Variants in PTPRG observed in about 807,000 individuals in gnomAD.
PTPRG encodes receptor-type tyrosine-protein phosphatase gamma.
PTPRG carries 102 observed loss-of-function variants against 165.3 expected under a neutral mutation model. The ratio of observed to expected loss-of-function variants is 0.62; its 90% CI spans 0.53 to 0.73. The LOEUF (loss-of-function observed/expected upper bound fraction) is 0.73, where lower values mean the gene tolerates loss of function less well. Among genes scored for constraint, PTPRG ranks in the 30% least tolerant of loss-of-function variants. PTPRG has a pLI of 0.00. For synonymous variants in PTPRG, 675 were observed against 669.5 expected, an observed-to-expected ratio of 1.01 and a Z score of -0.13; for missense variants, 1,866 against 1,861.4, an observed-to-expected ratio of 1.00 and a Z score of -0.05.
intron 1 of PTPRG, among the ~76,000 whole-genome samples, chr3:61,708,844 C>G (rs1329179201): frequency 1.3e-5 from 2 of 152,152 alleles, no homozygotes; most frequent in Non-Finnish European, 2.9e-5. Flanking sequence ...ATTTTGGAAA[C>G]TTATATTTCA....
chr3:62,198,274 T>C (rs920329934), intron 10 of PTPRG, among the ~76,000 whole-genome samples: 2 of 152,130 alleles, frequency 1.3e-5, no homozygotes, highest in African/African-American at 2.4e-5. Context: ...GCAGTAGGGG[T>C]TATTTTACAA....
At chr3:62,058,601 T>G (rs1200788195) in intron 4 of PTPRG, among the ~76,000 whole-genome samples, 1 of 152,164 alleles carries the variant, frequency 6.6e-6, no homozygotes, top group Non-Finnish European at 1.5e-5. Context: ...GCCCTGCGTT[T>G]ATGGATCTGG....
At chr3:61,648,349 C>A (rs958496169) in intron 1 of PTPRG, among the ~76,000 whole-genome samples, 1 of 152,234 alleles carries the variant, frequency 6.6e-6, no homozygotes, top group African/African-American at 2.4e-5. Flanking sequence ...TCCAGGACCC[C>A]ATTCTTTCCT....
At position 62,195,115 on chromosome 3, in the gene PTPRG, G is replaced by A. The variant is rs1559633072; in HGVS notation, c.1272G>A (p.Gln424=). The A allele has an allele frequency of 6.2e-7, 1 of 1,614,236 alleles. No individual in the cohort carries two copies. Among genetic ancestry groups the A allele is most frequent in the East Asian group, 2.2e-5 (1 of 44,868 alleles). Reference sequence around the variant, plus strand: ...ATAGCCTTTACCTGTTCCGAGTCCAGGCCGTGTGTCGGAACGACATGCGCA... The same window carrying A: ...ATAGCCTTTACCTGTTCCGAGTCCAAGCCGTGTGTCGGAACGACATGCGCA... ...SPDSLYLFRV[Q]AVCRNDMRSD... is the part of the protein sequence containing the mutation. The change falls in exon 10 of 30, where the codon CAG becomes CAA. Residue 424 remains glutamine (Q), a synonymous_variant. Coordinates refer to ENST00000474889, the MANE Select transcript of PTPRG (RefSeq NM_002841.4). The surrounding 1 kb of genome is among the most constrained non-coding windows in gnomAD (Gnocchi z 4.4).
chr3:61,721,444 C>T (rs538798153), intron 1 of PTPRG, among the ~76,000 whole-genome samples: 1 of 152,234 alleles, frequency 6.6e-6, no homozygotes, highest in East Asian at 1.9e-4. Context: ...GTTATTGGGC[C>T]TTTATCCTGG....
At chr3:61,970,278 T>G (rs897325902) in intron 2 of PTPRG, among the ~76,000 whole-genome samples, 3 of 152,310 alleles carry the variant, frequency 2.0e-5, no homozygotes, top group African/African-American at 4.8e-5. Context: ...TGTTCTGACC[T>G]CTGTCTGTGT....
intron 1 of PTPRG, among the ~76,000 whole-genome samples, chr3:61,638,112 G>T (rs1415451672): frequency 6.6e-6 from 1 of 152,112 alleles, no homozygotes; most frequent in Admixed American, 6.6e-5. Flanking sequence ...TTTCCAAATC[G>T]TGGTACAAAG....
At position 61,596,962 on chromosome 3, in the gene PTPRG, A is replaced by G. The variant is rs539821492; in HGVS notation, c.85+34590A>G. On this transcript the variant is annotated intron_variant, in intron 1 of 29. Transcript: ENST00000474889. ...AGACTAGGTAATTTATAGTGAAGAG[A>G]AATTTATTAGTGCAGGCTTTTGGAG... is the stretch of plus-strand genomic sequence containing the variant. 5.3e-5 allele frequency among the ~76,000 whole-genome samples: 8 copies of G among 152,144 alleles called. No homozygotes were observed. In the East Asian group the frequency reaches 1.5e-3, roughly 29 times the overall value.
intron 2 of PTPRG, among the ~76,000 whole-genome samples, chr3:61,822,349 C>T (rs887790962): frequency 5.9e-5 from 9 of 152,290 alleles, no homozygotes; most frequent in African/African-American, 2.2e-4. Context: ...ATGTTGGCTT[C>T]ATGTTTTGAG....
chr3:61,758,735 C>G (rs762642564), intron 2 of PTPRG, among the ~76,000 whole-genome samples: 9 of 152,030 alleles, frequency 5.9e-5, no homozygotes, highest in Non-Finnish European at 1.0e-4. Context: ...CGCTCGGCTT[C>G]ATGTTGAAAT....
At position 62,230,376 on chromosome 3, in the gene PTPRG, A is replaced by T. The variant is rs540284229; in HGVS notation, c.2289-849A>T. On this transcript the variant is annotated intron_variant, in intron 13 of 29. Transcript: ENST00000474889. Reference sequence around the variant, plus strand: ...ACCTGGCTTCAGAATTCTTTGTGGGACTCAACAGAACTTCCAAAAAAAGAG... The same window carrying T: ...ACCTGGCTTCAGAATTCTTTGTGGGTCTCAACAGAACTTCCAAAAAAAGAG... Among the ~76,000 whole-genome samples, 4 of 152,302 alleles carry T rather than the reference A, an allele frequency of 2.6e-5. No homozygotes were observed. The East Asian group carries it at 7.7e-4, about 29-fold the overall frequency.
chr3:61,668,319 A>AT (rs1702865320), intron 1 of PTPRG, among the ~76,000 whole-genome samples: 1 of 152,206 alleles, frequency 6.6e-6, no homozygotes, highest in Admixed American at 6.5e-5. Context: ...TCTATCAGGC[A>AT]TTTGGGGGAA....
intron 2 of PTPRG, among the ~76,000 whole-genome samples, chr3:61,890,635 G>A (rs998644503): frequency 3.9e-5 from 6 of 152,032 alleles, no homozygotes; most frequent in African/African-American, 1.4e-4. Flanking sequence ...GCAGTGACTT[G>A]AAATAATTTC....
intron 1 of PTPRG, among the ~76,000 whole-genome samples, chr3:61,655,159 A>G (rs1197046247): frequency 6.6e-6 from 1 of 152,022 alleles, no homozygotes; most frequent in Non-Finnish European, 1.5e-5. Flanking sequence ...CTGCAGGTGG[A>G]ATGGTTGAGT....
chr3:61,870,476 C>CCTT (rs2037535297), intron 2 of PTPRG, among the ~76,000 whole-genome samples: 1 of 17,966 alleles, frequency 5.6e-5, no homozygotes, highest in Non-Finnish European at 9.2e-5. Context: ...CCACACCTAG[C>CCTT]TTTTTTTTTT....
intron 1 of PTPRG, among the ~76,000 whole-genome samples, chr3:61,617,934 A>T (rs1701342718): frequency 6.6e-6 from 1 of 152,252 alleles, no homozygotes; most frequent in Admixed American, 6.5e-5. Flanking sequence ...AAAACGTCTG[A>T]TAGTGCTGCA....
At chr3:62,081,213 C>T (rs1006665086) in intron 5 of PTPRG, among the ~76,000 whole-genome samples, 12 of 149,738 alleles carry the variant, frequency 8.0e-5, no homozygotes, top group Admixed American at 4.6e-4. Flanking sequence ...GCCGAGATCG[C>T]GCCATTGCAC....
intron 4 of PTPRG, among the ~76,000 whole-genome samples, chr3:62,039,245 GT>G (rs11346667): frequency 0.37 from 54,201 of 144,576 alleles, 10,435 homozygotes; most frequent in African/African-American, 0.47. Flanking sequence ...AAGAGTTATG[GT>G]TTTTTTTTTT....
chr3:61,734,972 G>A (rs2032662677), intron 1 of PTPRG, among the ~76,000 whole-genome samples: 1 of 152,168 alleles, frequency 6.6e-6, no homozygotes, highest in South Asian at 2.1e-4. Context: ...AGCATAATTG[G>A]TCAGAGCCAG....
Sources: gnomAD v4.1 joint callset for allele counts (sites outside exome capture counted in the v4.1 genomes callset) on GRCh38, gnomAD v4.1.1 for gene constraint, Gnocchi (gnomAD v3.1) non-coding constraint, MANE v1.5 for transcripts, NCBI Gene and HGNC (gene_info 2026-07-23, HGNC 2026-07-21) for gene names.